The following MBD5 variants were observed in gnomAD, a reference collection of about 807,000 sequenced individuals.
MBD5 encodes the protein methyl-CpG-binding domain protein 5.
MBD5 carries 13 observed loss-of-function variants against 117.3 expected under a neutral mutation model. The ratio of observed to expected loss-of-function variants is 0.11; its 90% CI spans 0.07 to 0.18. The LOEUF (loss-of-function observed/expected upper bound fraction) is 0.18, where lower values mean the gene tolerates loss of function less well. MBD5 is among the 10% of genes least tolerant of loss of function. The pLI is 1.00. For missense variants in MBD5, 1,879 were observed against 2,093.8 expected, an observed-to-expected ratio of 0.90 and a Z score of 2.00; for synonymous variants, 727 against 766.4, an observed-to-expected ratio of 0.95 and a Z score of 0.85.
At chr2:148,217,712 A>C (rs950639305) in intron 2 of MBD5, among the ~76,000 whole-genome samples, 1 of 152,166 alleles carries the variant, frequency 6.6e-6, no homozygotes, top group African/African-American at 2.4e-5. Flanking sequence ...CTGTGGACTG[A>C]TGCATGCCAT....
At chr2:148,436,684 G>A (rs1280846746) in intron 4 of MBD5, among the ~76,000 whole-genome samples, 1 of 151,902 alleles carries the variant, frequency 6.6e-6, no homozygotes, top group African/African-American at 2.4e-5. Flanking sequence ...TGCTTTTCTA[G>A]ATTATGTAGA....
At chr2:148,060,022 A>T (rs1199236811) in intron 1 of MBD5, among the ~76,000 whole-genome samples, 1 of 147,338 alleles carries the variant, frequency 6.8e-6, no homozygotes, top group Non-Finnish European at 1.5e-5. Flanking sequence ...ACGGTGGCTT[A>T]TGCCTGTAAT....
rs181069553 is a variant in MBD5, at chr2:148,494,645, C to T, written c.4962+4051C>T. Among the ~76,000 whole-genome samples, 402 of 152,208 alleles carry T rather than the reference C, an allele frequency of 2.6e-3. 1 individual carries two copies. Among genetic ancestry groups the T allele is most frequent in the African/African-American group, 9.2e-3 (383 of 41,534 alleles). On this transcript the variant is annotated intron_variant, in intron 11 of 13. Transcript: ENST00000642680. ...CTATCTCCTTCCTAATGTGTTTTTT[C>T]CCTTGGTTAACAATTTGTAATAAAG...
chr2:148,464,374 C>T (rs550273591), intron 7 of MBD5, among the ~76,000 whole-genome samples: 3 of 152,220 alleles, frequency 2.0e-5, no homozygotes, highest in African/African-American at 4.8e-5. Flanking sequence ...CACACACACG[C>T]ATGCATGGGG....
intron 4 of MBD5, among the ~76,000 whole-genome samples, chr2:148,365,172 A>G (rs931446679): frequency 1.3e-5 from 2 of 152,266 alleles, no homozygotes; most frequent in Admixed American, 6.5e-5. Flanking sequence ...ATTAGAACTC[A>G]GGATTACAAA....
At chr2:148,204,548 T>C (rs1699228032) in intron 2 of MBD5, among the ~76,000 whole-genome samples, 1 of 152,152 alleles carries the variant, frequency 6.6e-6, no homozygotes, top group East Asian at 1.9e-4. Context: ...CCTCATAAAA[T>C]TTCTGTACAT....
chr2:148,059,284 C>G (rs945057973), intron 1 of MBD5, among the ~76,000 whole-genome samples: 2 of 151,818 alleles, frequency 1.3e-5, no homozygotes, highest in African/African-American at 4.8e-5. Context: ...AAAGCCGGTT[C>G]TGACAATTAA....
chr2:148,216,036 C>T (rs1425029955), intron 2 of MBD5, among the ~76,000 whole-genome samples: 1 of 151,840 alleles, frequency 6.6e-6, no homozygotes, highest in African/African-American at 2.4e-5. Context: ...CTTAAGATTA[C>T]AAGAAGAAAA....
chr2:148,387,836 T>G (rs1206966227), intron 4 of MBD5, among the ~76,000 whole-genome samples: 1 of 152,118 alleles, frequency 6.6e-6, no homozygotes, highest in African/African-American at 2.4e-5. Context: ...ATGAAAAAAC[T>G]ATAGACTTTA....
chr2:148,419,886 T>A (rs189079004), intron 4 of MBD5, among the ~76,000 whole-genome samples: 14 of 152,240 alleles, frequency 9.2e-5, no homozygotes, highest in Admixed American at 2.6e-4. Context: ...AAGATCAGTC[T>A]AATTCCAGAT....
At chr2:148,227,379 C>T (rs1699858760) in intron 2 of MBD5, among the ~76,000 whole-genome samples, 1 of 152,114 alleles carries the variant, frequency 6.6e-6, no homozygotes, top group Non-Finnish European at 1.5e-5. Context: ...GAATCCTTTC[C>T]CCATTGCTTG....
chr2:148,028,008 T>C (rs1693945731), intron 1 of MBD5: 1 of 152,144 alleles, frequency 6.6e-6, no homozygotes, highest in South Asian at 2.1e-4. Context: ...TCATGTAAGA[T>C]GTCAGAAGCT....
At chr2:148,146,669 TA>T (rs1697476034) in intron 1 of MBD5, among the ~76,000 whole-genome samples, 3 of 152,256 alleles carry the variant, frequency 2.0e-5, no homozygotes, top group Non-Finnish European at 2.9e-5. Flanking sequence ...GGGAGCTATT[TA>T]AAAAAATTAT....
At chr2:148,229,046 T>G (rs762796443) in intron 2 of MBD5, among the ~76,000 whole-genome samples, 100 of 152,104 alleles carry the variant, frequency 6.6e-4, no homozygotes, top group Non-Finnish European at 8.7e-4. Context: ...TTTGTTGATC[T>G]TTTCAAAAAA....
chr2:148,186,857 G>A (rs1172044174), intron 2 of MBD5, among the ~76,000 whole-genome samples: 1 of 152,156 alleles, frequency 6.6e-6, no homozygotes, highest in Non-Finnish European at 1.5e-5. Flanking sequence ...CAGCAATAAT[G>A]TAAACAGCAA....
intron 2 of MBD5, among the ~76,000 whole-genome samples, chr2:148,206,967 C>A (rs1012663791): frequency 1.2e-4 from 18 of 152,174 alleles, no homozygotes; most frequent in Admixed American, 2.0e-4. Flanking sequence ...GTTTGCAAAA[C>A]CAAATTACAA....
intron 3 of MBD5, among the ~76,000 whole-genome samples, chr2:148,243,147 T>C (rs1250532105): frequency 2.0e-5 from 3 of 151,674 alleles, no homozygotes; most frequent in Non-Finnish European, 4.4e-5. Flanking sequence ...AAAAAACTGC[T>C]CAGTAACATC....
At chr2:148,116,053 A>T (rs1485606117) in intron 1 of MBD5, among the ~76,000 whole-genome samples, 1 of 152,052 alleles carries the variant, frequency 6.6e-6, no homozygotes, top group Non-Finnish European at 1.5e-5. Flanking sequence ...CATGTTGACC[A>T]GGCTGGTCTC....
intron 2 of MBD5, among the ~76,000 whole-genome samples, chr2:148,215,462 A>G (rs900599415): frequency 4.0e-5 from 6 of 151,320 alleles, no homozygotes; most frequent in South Asian, 4.2e-4. Flanking sequence ...TTATCCACAG[A>G]CTCCTTGTGG....
Sources: gnomAD v4.1 joint callset for allele counts (sites outside exome capture counted in the v4.1 genomes callset) on GRCh38, gnomAD v4.1.1 for gene constraint, MANE v1.5 for transcripts, NCBI Gene and HGNC (gene_info 2026-07-23, HGNC 2026-07-21) for gene names.